The following CTF1 variants were observed in gnomAD, a reference collection of about 807,000 sequenced individuals.
CTF1 encodes the protein cardiotrophin-1.
A neutral mutation model predicts 10.9 loss-of-function variants in CTF1; 9 were observed. The observed-to-expected ratio is 0.83, with a 90% CI of 0.50 to 1.44. CTF1 has a LOEUF of 1.44. Among genes scored for constraint, CTF1 ranks in the 40% most tolerant of loss-of-function variants. The pLI, the probability that CTF1 is intolerant of heterozygous loss-of-function variation, is 0.00. For synonymous variants in CTF1, 133 were observed against 138.8 expected, an observed-to-expected ratio of 0.96 and a Z score of 0.29; for missense variants, 259 against 275.3, an observed-to-expected ratio of 0.94 and a Z score of 0.42.
chr16:30,896,558 C>T (rs2143220710), upstream of CTF1: 4 of 1,188,280 alleles, frequency 3.4e-6, no homozygotes, highest in South Asian at 4.1e-5. Flanking sequence ...TGATTGGCTG[C>T]GCCCGGGCCA....
Position 30,896,665 on chromosome 16 carries a change from C to A in CTF1, c.22C>A (p.Leu8Met). 3 of 1,252,554 alleles carry A rather than the reference C, an allele frequency of 2.4e-6. No individual in the cohort carries two copies. The highest frequency in any genetic ancestry group is 3.0e-6 in the Non-Finnish European group (3 of 989,930). 77.6% of individuals were successfully genotyped at this position (1,252,554 alleles called of 1,614,324 possible). ...CAGCATGAGCCGGAGGGAGGGAAGT[C>A]TGGGTAAGGGGCTGAGGGACCGGAC... MSRREGS[L>M]EDPQTDSSVS... The change falls in exon 1 of 3, where the codon CTG becomes ATG. Residue 8 changes from leucine to methionine, a missense_variant. By Grantham distance (15) the Leu-to-Met change is conservative (BLOSUM62 2). Transcript: ENST00000279804.
At position 30,902,641 on chromosome 16, in the gene CTF1, T is replaced by C; in HGVS notation, c.*102T>C. 1 of 1,350,880 alleles carries C rather than the reference T, an allele frequency of 7.4e-7. No homozygotes were observed. The highest frequency in any genetic ancestry group is 3.2e-5 in the Admixed American group (1 of 31,136). The allele number at this position is 1,350,880 out of a possible 1,614,324, so 83.7% of individuals were successfully genotyped here. A position where few individuals can be genotyped will look rare whatever the true frequency, so the allele number is the denominator to read the frequency against. On this transcript the variant is annotated 3_prime_UTR_variant, in exon 3 of 3. Coordinates refer to ENST00000279804, the MANE Select transcript of CTF1 (RefSeq NM_001330.5). ...CTGTCGGTGTCTGTCTGTCTGCTCTTAGCTGTCTCCATTGCCTCGGCCTTC... is the reference window on the plus strand; with the variant it reads ...CTGTCGGTGTCTGTCTGTCTGCTCTCAGCTGTCTCCATTGCCTCGGCCTTC...
chr16:30,902,526 G>T lies in CTF1; in HGVS notation c.593G>T (p.Gly198Val). ...TEGDLGQLLP[G>V]GSA is the part of the protein sequence containing the mutation. ...GGCGACCTGGGCCAGCTGCTGCCCG[G>T]GGGCTCGGCCTGAGCGCCGCGGGGC... is the stretch of plus-strand genomic sequence containing the variant. The change falls in exon 3 of 3, where the codon GGG becomes GTG. Residue 198 changes from glycine to valine, a missense_variant. Coordinates refer to ENST00000279804, the MANE Select transcript of CTF1 (RefSeq NM_001330.5). The T allele has an allele frequency of 6.7e-7, 1 of 1,497,162 alleles. No individual in the cohort carries two copies. The allele number at this position is 1,497,162 out of a possible 1,614,324, so 92.7% of individuals were successfully genotyped here.
In CTF1 at chr16:30,902,215, G is replaced by A. The variant is rs1365851640; in HGVS notation, c.282G>A (p.Leu94=). The part of the protein sequence containing the change: ...HERLRLDAAA[L]AALPPLLDAV... Reference sequence around the variant, plus strand: ...GGCTGCGGCTGGACGCGGCGGCGCTGGCCGCGCTGCCCCCGCTGCTGGACG... The same window carrying A: ...GGCTGCGGCTGGACGCGGCGGCGCTAGCCGCGCTGCCCCCGCTGCTGGACG... The change falls in exon 3 of 3, where the codon CTG becomes CTA. Residue 94 remains leucine, a synonymous_variant. Transcript: ENST00000279804. The A allele has an allele frequency of 1.7e-6, 2 of 1,159,904 alleles. No individual in the cohort carries two copies. Among genetic ancestry groups the A allele is most frequent in the Non-Finnish European group, 2.1e-6 (2 of 944,000 alleles). The allele number at this position is 1,159,904 out of a possible 1,614,324, so 71.9% of individuals were successfully genotyped here.
At chr16:30,899,576 G>T in intron 2 of CTF1, 43 bp downstream of exon 2, 1 of 1,061,470 alleles carries the variant, frequency 9.4e-7, no homozygotes, top group Admixed American at 1.8e-5. Flanking sequence ...CCTGGGGAAT[G>T]GGAGCAGACA....
Position 30,902,598 on chromosome 16 carries a change from C to G in CTF1, c.*59C>G. 1 of 1,437,192 alleles carries G rather than the reference C, an allele frequency of 7.0e-7. No individual in the cohort carries two copies. The highest frequency in any genetic ancestry group is 9.2e-7 in the Non-Finnish European group (1 of 1,092,006). The allele number at this position is 1,437,192 out of a possible 1,614,324, so 89.0% of individuals were successfully genotyped here. A position where few individuals can be genotyped will look rare whatever the true frequency, so the allele number is the denominator to read the frequency against. On this transcript the variant is annotated 3_prime_UTR_variant, in exon 3 of 3. Coordinates refer to ENST00000279804, the MANE Select transcript of CTF1 (RefSeq NM_001330.5). ...CTGGGTTCCGTCTCTCCTTCCGCTT[C>G]TTTGTCTTTCTCTGCCGCTGTCGGT...
Position 30,902,414 on chromosome 16 carries a change from G to C in CTF1, c.481G>C (p.Ala161Pro). ...CGAGCCCCCCGCCGCCACCGCCTCA[G>C]CCGCCTCCGCCACCGGGGTCTTCCC... ...RAEPPAATAS[A>P]ASATGVFPAK... The change falls in exon 3 of 3, where the codon GCC becomes CCC. Residue 161 changes from alanine to proline, a missense_variant. By Grantham distance (27) the Ala-to-Pro change is conservative (BLOSUM62 -1). Coordinates refer to ENST00000279804, the MANE Select transcript of CTF1 (RefSeq NM_001330.5). The C allele has an allele frequency of 5.9e-6, 8 of 1,358,562 alleles. No individual in the cohort carries two copies. Among genetic ancestry groups the C allele is most frequent in the Non-Finnish European group, 7.6e-6 (8 of 1,051,150 alleles). 84.2% of individuals were successfully genotyped at this position (1,358,562 alleles called of 1,614,324 possible).
rs542273644 is a variant in CTF1 at position 30,899,606 on chromosome 16, C to T, written c.144+73C>T. On this transcript the variant is annotated intron_variant, in intron 2 of 2. Transcript: ENST00000279804. ...CAGACATCACAGAGGTCCTCGATCA[C>T]CCATTCTCTCAACCTCATTTTCCAA... 16 of 888,466 alleles carry T rather than the reference C, an allele frequency of 1.8e-5. No homozygotes were observed. The African/African-American group carries it at 2.5e-4, about 14-fold the overall frequency. The allele number at this position is 888,466 out of a possible 1,614,324, so 55.0% of individuals were successfully genotyped here. A position where few individuals can be genotyped will look rare whatever the true frequency, so the allele number is the denominator to read the frequency against.
chr16:30,898,906 G>T (rs1356422310), intron 1 of CTF1, among the ~76,000 whole-genome samples: 2 of 152,252 alleles, frequency 1.3e-5, no homozygotes, highest in Admixed American at 6.5e-5. Context: ...CAATCCACCT[G>T]CCTTGGCCTC....
chr16:30,902,337 C>T lies in CTF1; in HGVS notation c.404C>T (p.Ala135Val). 5 of 1,069,550 alleles carry T rather than the reference C, an allele frequency of 4.7e-6. No individual in the cohort carries two copies. Among genetic ancestry groups the T allele is most frequent in the Non-Finnish European group, 5.6e-6 (5 of 887,168 alleles). The allele number at this position is 1,069,550 out of a possible 1,614,324, so 66.3% of individuals were successfully genotyped here. Residue 135 changes from alanine to valine, a missense_variant, in exon 3 of 3, where the codon GCC (alanine) becomes GTC (valine). Physicochemically the swap from Ala to Val is moderately conservative, Grantham distance 64. Transcript: ENST00000279804. ...CGCCAGGCCCGGGCCCTGGGCGCCG[C>T]CGTGGAGGCCTTGCTGGCCGCGCTG... ...AARQARALGA[A>V]VEALLAALGA...
chr16:30,899,203 T>C (rs2055380267), intron 1 of CTF1, among the ~76,000 whole-genome samples: 1 of 152,172 alleles, frequency 6.6e-6, no homozygotes, highest in Non-Finnish European at 1.5e-5. Context: ...ATGACTGTCT[T>C]TGAATTTGAC....
intron 1 of CTF1, among the ~76,000 whole-genome samples, chr16:30,898,244 C>G (rs781629344): frequency 2.6e-5 from 4 of 151,816 alleles, no homozygotes; most frequent in Non-Finnish European, 5.9e-5. Context: ...TCAATGCAAC[C>G]TCCTCCTCCC....
chr16:30,902,699 G>C lies in CTF1; in HGVS notation c.*160G>C. On this transcript the variant is annotated 3_prime_UTR_variant, in exon 3 of 3. Coordinates refer to ENST00000279804, the MANE Select transcript of CTF1 (RefSeq NM_001330.5). The stretch of plus-strand genomic sequence containing the variant: ...TTTGTGGGGGAGAGGGGAGGGGACG[G>C]GCAGGGTCTCTGTCGCCCAGGCTGG... 1 of 1,152,868 alleles carries C rather than the reference G, an allele frequency of 8.7e-7. No individual in the cohort carries two copies. Among genetic ancestry groups the C allele is most frequent in the Non-Finnish European group, 1.1e-6 (1 of 891,970 alleles). The allele number at this position is 1,152,868 out of a possible 1,614,324, so 71.4% of individuals were successfully genotyped here.
chr16:30,899,117 G>C (rs895840556), intron 1 of CTF1, among the ~76,000 whole-genome samples: 1 of 152,166 alleles, frequency 6.6e-6, no homozygotes, highest in Non-Finnish European at 1.5e-5. Flanking sequence ...TACACTCTAC[G>C]ATGTATTTAC....
At chr16:30,900,333 G>T (rs1435864225) in intron 2 of CTF1, among the ~76,000 whole-genome samples, 3 of 152,238 alleles carry the variant, frequency 2.0e-5, no homozygotes, top group Non-Finnish European at 4.4e-5. Context: ...CCCTCGTGTA[G>T]TGAAGGGAGG....
Position 30,902,667 on chromosome 16 carries a change from T to G in CTF1, c.*128T>G. 1 of 1,292,012 alleles carries G rather than the reference T, an allele frequency of 7.7e-7. No individual in the cohort carries two copies. The highest frequency in any genetic ancestry group is 9.9e-7 in the Non-Finnish European group (1 of 1,009,806). 80.0% of individuals were successfully genotyped at this position (1,292,012 alleles called of 1,614,324 possible). A position where few individuals can be genotyped will look rare whatever the true frequency, so the allele number is the denominator to read the frequency against. ...AGCTGTCTCCATTGCCTCGGCCTTCTTTGCTTTTTGTGGGGGAGAGGGGAG... is the reference window on the plus strand; with the variant it reads ...AGCTGTCTCCATTGCCTCGGCCTTCGTTGCTTTTTGTGGGGGAGAGGGGAG... On this transcript the variant is annotated 3_prime_UTR_variant, in exon 3 of 3. Transcript: ENST00000279804.
At chr16:30,896,708 C>T (rs2055354413) in intron 1 of CTF1, 40 bp downstream of exon 1, 1 of 1,251,346 alleles carries the variant, frequency 8.0e-7, no homozygotes, top group Non-Finnish European at 1.0e-6. Flanking sequence ...CGCTGAGGGG[C>T]GCAGGAGTCA....
chr16:30,899,507 T>C lies in CTF1; in HGVS notation c.118T>C (p.Tyr40His). The change falls in exon 2 of 3, where the codon TAC becomes CAC. Residue 40 changes from tyrosine to histidine, a missense_variant. By Grantham distance (83) the Tyr-to-His change is moderately conservative. Transcript: ENST00000279804. ...CAGCCTTGCGCACCTCCTCACCAAA[T>C]ACGCTGAGCAGCTGCTCCAGGAATA... ...THSLAHLLTK[Y>H]AEQLLQEYVQ... 4 of 1,573,202 alleles carry C rather than the reference T, an allele frequency of 2.5e-6. No homozygotes were observed. The highest frequency in any genetic ancestry group is 1.1e-5 in the South Asian group (1 of 90,504).
intron 2 of CTF1, among the ~76,000 whole-genome samples, chr16:30,901,391 G>C (rs925916565): frequency 2.6e-5 from 4 of 152,170 alleles, no homozygotes; most frequent in African/African-American, 9.7e-5. Flanking sequence ...GCTCAGAGAA[G>C]GGAAGTGGTT....
Sources: gnomAD v4.1 joint callset for allele counts (sites outside exome capture counted in the v4.1 genomes callset) on GRCh38, gnomAD v4.1.1 for gene constraint, MANE v1.5 for transcripts, NCBI Gene and HGNC (gene_info 2026-07-23, HGNC 2026-07-21) for gene names.